Variants in CAMTA2 observed in about 807,000 individuals in gnomAD.
CAMTA2 encodes the protein calmodulin binding transcription activator 2, also known as calmodulin-binding transcription activator 2.
In CAMTA2, 56 loss-of-function variants were observed where a neutral mutation model predicts 135.7. That is an observed-to-expected ratio of 0.41 (90% CI 0.33 to 0.52). The LOEUF is 0.52. Ranked by LOEUF, CAMTA2 falls within the 20% of genes least tolerant of loss-of-function variation. The pLI is 0.16. For missense variants in CAMTA2, 1,358 were observed against 1,553.4 expected, an observed-to-expected ratio of 0.87 and a Z score of 2.11; for synonymous variants, 591 against 604.6, an observed-to-expected ratio of 0.98 and a Z score of 0.33.
intron 11 of CAMTA2, 69 bp downstream of exon 11, chr17:4,976,989 T>G: frequency 6.9e-7 from 1 of 1,454,012 alleles, no homozygotes; most frequent in Non-Finnish European, 9.3e-7. Flanking sequence ...GAACCCTGAG[T>G]GGTCTAGGAG....
In CAMTA2 at chr17:4,981,663, AC is replaced by A; in HGVS notation, c.565+14del. ...ACTCTCCCCTTGGAGCTCTATCCCC[AC>A]CCTGCTGCCTTACACATGGGCTTCA... On this transcript the variant is annotated intron_variant, in intron 7 of 22. Coordinates refer to ENST00000348066, the MANE Select transcript of CAMTA2 (RefSeq NM_015099.4). The A allele has an allele frequency of 1.3e-6, 2 of 1,579,236 alleles. No individual in the cohort carries two copies. Among genetic ancestry groups the A allele is most frequent in the Non-Finnish European group, 1.7e-6 (2 of 1,159,988 alleles).
In CAMTA2 at chr17:4,985,936, A is replaced by G. The variant is rs758312921; in HGVS notation, c.79T>C (p.Cys27Arg). The change falls in exon 3 of 23, where the codon TGT becomes CGT. Residue 27 changes from cysteine (C) to arginine (R), a missense_variant. Around this residue, in one of 4 missense-constraint regions of CAMTA2, gnomAD observed 105 missense variants for 190.9 expected, o/e 0.55. Transcript: ENST00000348066. ...GGCAGCAGCGGGCAGCGAGGAAGAC[A>G]CTCCAGCAGCTTCTTGGGGAGAAAG... ...KIFLPKKLLE[C>R]LPRCPLLPPE... The G allele has an allele frequency of 3.1e-6, 5 of 1,613,786 alleles. No individual in the cohort carries two copies. Among genetic ancestry groups the G allele is most frequent in the Non-Finnish European group, 3.4e-6 (4 of 1,179,932 alleles).
intron 11 of CAMTA2, 60 bp downstream of exon 11, chr17:4,976,998 A>T (rs1972653822): frequency 1.3e-6 from 2 of 1,587,040 alleles, no homozygotes; most frequent in East Asian, 4.5e-5. Context: ...GTGGTCTAGG[A>T]GCATGTCATG....
intron 7 of CAMTA2, 52 bp downstream of exon 7, chr17:4,981,626 A>C: frequency 6.6e-7 from 1 of 1,526,152 alleles, no homozygotes; most frequent in Non-Finnish European, 8.8e-7. Flanking sequence ...CCCCTCTGGG[A>C]GCCCTGTTTC....
chr17:4,979,703 G>A lies in CAMTA2; in HGVS notation c.1619C>T (p.Pro540Leu). 1.2e-6 allele frequency: 2 copies of A among 1,613,434 alleles called. No homozygotes were observed. The highest frequency in any genetic ancestry group is 1.7e-6 in the Non-Finnish European group (2 of 1,179,576). Residue 540 changes from proline (P) to leucine (L), a missense_variant, in exon 9 of 23, where the codon CCA becomes CTA. By Grantham distance (98) the Pro-to-Leu change is moderately conservative. Around this residue, in one of 4 missense-constraint regions of CAMTA2, gnomAD observed 1,077 missense variants for 1,127.5 expected, o/e 0.96. Coordinates refer to ENST00000348066, the MANE Select transcript of CAMTA2 (RefSeq NM_015099.4). ...TCTCACCTCTGGGTAGGACCACTCTGGGGAGAAGTCTGTGATGGTGCTAAG... is the reference window on the plus strand; with the variant it reads ...TCTCACCTCTGGGTAGGACCACTCTAGGGAGAAGTCTGTGATGGTGCTAAG... ...PALSTITDFS[P>L]EWSYPEGGVK... is the part of the protein sequence containing the mutation.
chr17:4,987,183 G>C, intron 1 of CAMTA2: 2 of 1,344,998 alleles, frequency 1.5e-6, no homozygotes, highest in Non-Finnish European at 1.9e-6. Context: ...GAGCGGGAGC[G>C]GGTCCTTGGG....
In CAMTA2 at chr17:4,980,372, C is replaced by A. The variant is rs757878863; in HGVS notation, c.950G>T (p.Gly317Val). ...GATAGCAGTGCCTCCTCTTGAAGAA[C>A]CCCCTCGAGAAGTGGGAGGGCTAGG... is the stretch of plus-strand genomic sequence containing the variant. Reference protein sequence around the residue: ...IRPSPPTSRGGSSRGGTAILL... With the variant: ...IRPSPPTSRGVSSRGGTAILL... Residue 317 changes from glycine to valine, a missense_variant, in exon 9 of 23, where the codon GGT (glycine) becomes GTT (valine). By Grantham distance (109) the Gly-to-Val change is moderately radical. This residue lies in a region of CAMTA2 where 1,077 missense variants were observed against 1,127.5 expected (regional missense o/e 0.96). Transcript: ENST00000348066. This position sits in a 1 kb window ranked among gnomAD's most constrained non-coding sequence, Gnocchi z 5.3. The A allele has an allele frequency of 9.3e-6, 15 of 1,614,054 alleles. No homozygotes were observed. The highest frequency in any genetic ancestry group is 4.5e-5 in the East Asian group (2 of 44,872).
At chr17:4,971,141 G>A (rs535090212) in intron 16 of CAMTA2, among the ~76,000 whole-genome samples, 1 of 152,314 alleles carries the variant, frequency 6.6e-6, no homozygotes, top group South Asian at 2.1e-4. Flanking sequence ...GGCTATACTT[G>A]AAGATTCACT....
chr17:4,984,205 C>G (rs1209099331), intron 3 of CAMTA2, among the ~76,000 whole-genome samples: 12 of 152,206 alleles, frequency 7.9e-5, no homozygotes, highest in Non-Finnish European at 1.2e-4. Context: ...CCGCCTCAGC[C>G]TCCCAAAGTG....
chr17:4,985,794 T>C, intron 3 of CAMTA2, 86 bp downstream of exon 3: 1 of 830,866 alleles, frequency 1.2e-6, no homozygotes, highest in African/African-American at 1.7e-5. Flanking sequence ...CTTAGGAGTG[T>C]TGACAGACAC....
chr17:4,970,291 C>T (rs1010351359), intron 17 of CAMTA2, 49 bp downstream of exon 17: 9 of 1,593,248 alleles, frequency 5.6e-6, no homozygotes, highest in Non-Finnish European at 6.9e-6. Flanking sequence ...TTCTCCCTTC[C>T]TCCCATCTTC....
intron 1 of CAMTA2, 131 bp from the exon 2 acceptor site, chr17:4,986,417 G>C: frequency 1.7e-6 from 1 of 600,174 alleles, no homozygotes; most frequent in Non-Finnish European, 3.0e-6. Context: ...GGGAGGGGCT[G>C]ACTGTGATGT....
In CAMTA2 at chr17:4,968,951, C is replaced by T; in HGVS notation, c.3501G>A (p.Gln1167=). The change falls in exon 22 of 23, where the codon CAG becomes CAA. Residue 1167 remains glutamine, a synonymous_variant. Coordinates refer to ENST00000348066, the MANE Select transcript of CAMTA2 (RefSeq NM_015099.4). ...GGAATCTCATGATCTTCCGGGCTGC[C>T]TGGTCCTGCTTCTTGGTGAGAAAGG... ...KGSFLTKKQD[Q]AARKIMRFLR... is the part of the protein sequence containing the mutation. The T allele has an allele frequency of 6.2e-7, 1 of 1,614,224 alleles. No individual in the cohort carries two copies. Among genetic ancestry groups the T allele is most frequent in the South Asian group, 1.1e-5 (1 of 91,082 alleles).
At position 4,968,732 on chromosome 17, in the gene CAMTA2, G is replaced by A. The variant is rs745534402; in HGVS notation, c.*24C>T. 1.8e-5 allele frequency: 29 copies of A among 1,613,632 alleles called. No individual in the cohort carries two copies. In the East Asian group the frequency reaches 6.0e-4, roughly 33 times the overall value. On this transcript the variant is annotated 3_prime_UTR_variant, in exon 23 of 23. Coordinates refer to ENST00000348066, the MANE Select transcript of CAMTA2 (RefSeq NM_015099.4). ...TAAGACTGCACGAGGCGCCCCCAGG[G>A]TGGTGAGAAAGGCGGTGGCCAGGTC...
rs1198666727 is a variant in CAMTA2, at chr17:4,987,583, T to G, written c.-65+10A>C. On this transcript the variant is annotated intron_variant, in intron 1 of 22. Transcript: ENST00000348066. ...GGGCGGAGAGGCGGGCGAGAGGCCC[T>G]GGCTCTTACCTCCCGGGGTCCCGCG... is the stretch of plus-strand genomic sequence containing the variant. The G allele has an allele frequency of 1.3e-6, 2 of 1,524,388 alleles. No individual in the cohort carries two copies. The highest frequency in any genetic ancestry group is 1.8e-6 in the Non-Finnish European group (2 of 1,141,630). The allele number at this position is 1,524,388 out of a possible 1,614,324, so 94.4% of individuals were successfully genotyped here.
In CAMTA2 at chr17:4,987,199, C is replaced by G. The variant is rs114344077; in HGVS notation, c.-65+394G>C. 4.3e-3 allele frequency: 5,721 copies of G among 1,337,190 alleles called. 198 individuals carry two copies. The African/African-American group carries it at 0.079, about 18-fold the overall frequency. The allele number at this position is 1,337,190 out of a possible 1,614,324, so 82.8% of individuals were successfully genotyped here. The stretch of plus-strand genomic sequence containing the variant: ...AGCGGGAGCGGGTCCTTGGGCTGCA[C>G]TTGGGCGGCGCCGGATCGGACGCTT... On this transcript the variant is annotated intron_variant, in intron 1 of 22. Coordinates refer to ENST00000348066, the MANE Select transcript of CAMTA2 (RefSeq NM_015099.4).
rs560765344 is a variant in CAMTA2, at chr17:4,973,994, C to T, written c.2017-225G>A. Reference sequence around the variant, plus strand: ...TCACACAATCTTGCCCATGTGCCTTCCCATCAGCTCAGATTAGTGCCATGT... The same window carrying T: ...TCACACAATCTTGCCCATGTGCCTTTCCATCAGCTCAGATTAGTGCCATGT... On this transcript the variant is annotated intron_variant, in intron 12 of 22. Coordinates refer to ENST00000348066, the MANE Select transcript of CAMTA2 (RefSeq NM_015099.4). 5 of 569,142 alleles carry T rather than the reference C, an allele frequency of 8.8e-6. 1 individual carries two copies. In the South Asian group the frequency reaches 1.1e-4, roughly 13 times the overall value. The allele number at this position is 569,142 out of a possible 1,614,324, so 35.3% of individuals were successfully genotyped here. A position where few individuals can be genotyped will look rare whatever the true frequency, so the allele number is the denominator to read the frequency against.
Position 4,981,649 on chromosome 17 carries a change from G to A in CAMTA2, c.565+29C>T, listed in dbSNP as rs1381280102. ...GGAGCCCTGTTTCTACTCTCCCCTTGGAGCTCTATCCCCACCCTGCTGCCT... is the reference window on the plus strand; with the variant it reads ...GGAGCCCTGTTTCTACTCTCCCCTTAGAGCTCTATCCCCACCCTGCTGCCT... On this transcript the variant is annotated intron_variant, in intron 7 of 22. Coordinates refer to ENST00000348066, the MANE Select transcript of CAMTA2 (RefSeq NM_015099.4). 2.6e-6 allele frequency: 4 copies of A among 1,561,984 alleles called. No homozygotes were observed. In the Admixed American group the frequency reaches 5.8e-5, roughly 23 times the overall value.
In CAMTA2 at chr17:4,968,830, A is replaced by T. The variant is rs750026430; in HGVS notation, c.3546-11T>A. On this transcript the variant is annotated splice_polypyrimidine_tract_variant and intron_variant, in intron 22 of 22. Coordinates refer to ENST00000348066, the MANE Select transcript of CAMTA2 (RefSeq NM_015099.4). ...TTCAGTTCCCTCATCCTGCAGAGAG[A>T]AAGATAGGAGTCAGAGGAGACTGGC... is the stretch of plus-strand genomic sequence containing the variant. The T allele has an allele frequency of 4.3e-5, 69 of 1,613,688 alleles. 2 individuals carry two copies. In the South Asian group the frequency reaches 7.6e-4, roughly 18 times the overall value.
Sources: gnomAD v4.1 joint callset for allele counts (sites outside exome capture counted in the v4.1 genomes callset) on GRCh38, gnomAD v4.1.1 for gene constraint, gnomAD v4.1.1 regional missense constraint, Gnocchi (gnomAD v3.1) non-coding constraint, MANE v1.5 for transcripts, NCBI Gene and HGNC (gene_info 2026-07-23, HGNC 2026-07-21) for gene names.